SLC35F1: variants seen among roughly 807,000 people sequenced by gnomAD.
SLC35F1 encodes solute carrier family 35 member F1.
SLC35F1 carries 14 observed loss-of-function variants against 48.7 expected under a neutral mutation model. The ratio of observed to expected loss-of-function variants is 0.29; its 90% confidence interval spans 0.19 to 0.45. The LOEUF (loss-of-function observed/expected upper bound fraction) is 0.45, where lower values mean the gene tolerates loss of function less well. Ranked by LOEUF, SLC35F1 falls within the 20% of genes least tolerant of loss-of-function variation. SLC35F1 has a pLI of 1.00. For synonymous variants in SLC35F1, 190 were observed against 202.2 expected (o/e 0.94, Z 0.51); for missense variants, 404 against 500.0 (o/e 0.81, Z 1.83).
chr6:118,259,900 T>C (rs1270527018), intron 3 of SLC35F1, among the ~76,000 whole-genome samples: 1 of 152,118 alleles, frequency 6.6e-6, no homozygotes, highest in Non-Finnish European at 1.5e-5. Context: ...AGCCCACATG[T>C]TCCTCATAAA....
At position 118,267,133 on chromosome 6, in the gene SLC35F1, G is replaced by T. The variant is rs747988998; in HGVS notation, c.616G>T (p.Val206Leu). The T allele has an allele frequency of 2.5e-6, 4 of 1,613,998 alleles. No homozygotes were observed. The East Asian group carries it at 6.7e-5, about 27-fold the overall frequency. Residue 206 changes from valine (V) to leucine (L), a missense_variant, in exon 4 of 8, where the codon GTG becomes TTG. Physicochemically the swap from Val to Leu is conservative, Grantham distance 32. Around this residue, in one of 2 missense-constraint regions of SLC35F1, gnomAD observed 306 missense variants for 419.1 expected, o/e 0.73. Transcript: ENST00000360388. ...MGCMVGADVL[V>L]GRHQGAGENK... ...CTGCATGGTGGGAGCAGATGTGCTT[G>T]TGGGAAGACATCAGGGAGCAGGTGA...
At chr6:118,100,848 C>G (rs1283922178) in intron 1 of SLC35F1, among the ~76,000 whole-genome samples, 1 of 152,180 alleles carries the variant, frequency 6.6e-6, no homozygotes, top group Non-Finnish European at 1.5e-5. Flanking sequence ...CATGGTTGGT[C>G]TTTCTGTTGT....
chr6:118,179,809 C>T (rs985570831), intron 2 of SLC35F1, among the ~76,000 whole-genome samples: 3 of 152,080 alleles, frequency 2.0e-5, no homozygotes, highest in African/African-American at 7.2e-5. Flanking sequence ...CCAGTAGCTC[C>T]TATAGACAGA....
chr6:118,198,403 G>A (rs1249716855), intron 2 of SLC35F1, among the ~76,000 whole-genome samples: 1 of 152,064 alleles, frequency 6.6e-6, no homozygotes, highest in Non-Finnish European at 1.5e-5. Flanking sequence ...ATAAAAGGAG[G>A]CCCTATTATT....
chr6:118,289,499 A>T (rs1419421022), intron 7 of SLC35F1, among the ~76,000 whole-genome samples: 5 of 152,230 alleles, frequency 3.3e-5, no homozygotes, highest in African/African-American at 1.2e-4. Flanking sequence ...AAATGCAGAT[A>T]AGTGCTCTTG....
intron 1 of SLC35F1, among the ~76,000 whole-genome samples, chr6:117,909,588 G>T (rs1775738518): frequency 6.6e-6 from 1 of 152,064 alleles, no homozygotes; most frequent in African/African-American, 2.4e-5. Context: ...TATCTGCTTG[G>T]TCTTGGTTTC....
chr6:118,226,355 A>G (rs754110305), intron 2 of SLC35F1, among the ~76,000 whole-genome samples: 13 of 152,364 alleles, frequency 8.5e-5, no homozygotes, highest in Non-Finnish European at 1.6e-4. Context: ...CAATTCCGCT[A>G]TTGAGTTATG....
chr6:118,032,288 C>T (rs571354999), intron 1 of SLC35F1, among the ~76,000 whole-genome samples: 5 of 152,050 alleles, frequency 3.3e-5, no homozygotes, highest in Non-Finnish European at 5.9e-5. Flanking sequence ...ATGGAAGGCA[C>T]GAGAACAGGG....
chr6:118,181,878 C>T (rs962668501), intron 2 of SLC35F1, among the ~76,000 whole-genome samples: 1 of 152,038 alleles, frequency 6.6e-6, no homozygotes, highest in Non-Finnish European at 1.5e-5. Context: ...TAGAGTTAAA[C>T]AATCCTAAGC....
intron 1 of SLC35F1, among the ~76,000 whole-genome samples, chr6:118,117,365 A>G (rs1218587111): frequency 2.0e-5 from 3 of 152,224 alleles, no homozygotes; most frequent in Non-Finnish European, 4.4e-5. Flanking sequence ...TGCTTATGGC[A>G]TAGAACAAAT....
intron 1 of SLC35F1, among the ~76,000 whole-genome samples, chr6:117,938,960 A>T: frequency 7.4e-6 from 1 of 135,842 alleles, no homozygotes; most frequent in Non-Finnish European, 1.5e-5. Context: ...CATTCCTTTT[A>T]CTTCCGAAGT....
rs376741928 is a variant in SLC35F1 at position 118,285,352 on chromosome 6, G to C, written c.1002+14G>C. ...TTCCACTACAAGGTAAGTTGAGTGAGTGCTCCTTTGTGAAGATGATACTTT... is the reference window on the plus strand; with the variant it reads ...TTCCACTACAAGGTAAGTTGAGTGACTGCTCCTTTGTGAAGATGATACTTT... On this transcript the variant is annotated intron_variant, in intron 7 of 7. Coordinates refer to ENST00000360388, the MANE Select transcript of SLC35F1 (RefSeq NM_001029858.4). 2.5e-6 allele frequency: 4 copies of C among 1,613,402 alleles called. No individual in the cohort carries two copies. The highest frequency in any genetic ancestry group is 1.3e-5 in the African/African-American group (1 of 74,894).
intron 1 of SLC35F1, among the ~76,000 whole-genome samples, chr6:118,055,280 GTAGT>G (rs1271929108): frequency 6.6e-6 from 1 of 152,120 alleles, no homozygotes; most frequent in East Asian, 1.9e-4. Context: ...GCATCTTAAT[GTAGT>G]TAGTTGTATT....
intron 1 of SLC35F1, among the ~76,000 whole-genome samples, chr6:118,080,499 A>G (rs1340730029): frequency 1.3e-5 from 2 of 152,238 alleles, no homozygotes; most frequent in Non-Finnish European, 2.9e-5. Flanking sequence ...GTCTTAAAAT[A>G]GTACGATAAA....
intron 1 of SLC35F1, among the ~76,000 whole-genome samples, chr6:118,045,883 G>A (rs1301843683): frequency 6.6e-6 from 1 of 151,974 alleles, no homozygotes; most frequent in Non-Finnish European, 1.5e-5. Flanking sequence ...TTTCTTTTAC[G>A]TTTGTTTTTC....
rs180729940 is a variant in SLC35F1, at chr6:117,949,514, A to G, written c.173+41615A>G. Among the ~76,000 whole-genome samples, 567 of 152,174 alleles carry G rather than the reference A, an allele frequency of 3.7e-3. 8 individuals carry two copies. Among genetic ancestry groups the G allele is most frequent in the Non-Finnish European group, 2.9e-3 (198 of 68,002 alleles). On this transcript the variant is annotated intron_variant, in intron 1 of 7. Coordinates refer to ENST00000360388, the MANE Select transcript of SLC35F1 (RefSeq NM_001029858.4). ...TTAAAGCCTCTTTGTTAGGTTGGTA[A>G]ACCTTCTGCCAAGGTGTGATTTATG...
At chr6:118,301,486 G>T (rs191843453) in intron 7 of SLC35F1, among the ~76,000 whole-genome samples, 3 of 152,218 alleles carry the variant, frequency 2.0e-5, no homozygotes, top group African/African-American at 7.2e-5. Context: ...CAGTGTTAAG[G>T]GGGGGTATGA....
At chr6:118,206,576 T>C (rs1260574503) in intron 2 of SLC35F1, among the ~76,000 whole-genome samples, 1 of 152,220 alleles carries the variant, frequency 6.6e-6, no homozygotes, top group Non-Finnish European at 1.5e-5. Flanking sequence ...TAAAAAATCA[T>C]TTTTGGATTT....
At chr6:118,164,490 C>T (rs1774286417) in intron 2 of SLC35F1, among the ~76,000 whole-genome samples, 1 of 152,112 alleles carries the variant, frequency 6.6e-6, no homozygotes, top group South Asian at 2.1e-4. Flanking sequence ...CATTGAGTCA[C>T]CCTAATGAGT....
Sources: allele counts gnomAD v4.1 joint callset (sites outside exome capture counted in the v4.1 genomes callset), GRCh38; gene constraint gnomAD v4.1.1; regional missense constraint gnomAD v4.1.1; transcripts MANE v1.5; gene names NCBI Gene and HGNC (gene_info 2026-07-23, HGNC 2026-07-21).